Variants in TMEM67 observed in about 807,000 individuals in gnomAD.
The protein encoded by TMEM67 is transmembrane protein 67.
Under a neutral mutation model 136.6 loss-of-function variants are expected in TMEM67, and 124 were observed. The observed-to-expected ratio is 0.91, with a 90% CI of 0.78 to 1.05. The LOEUF (loss-of-function observed/expected upper bound fraction) is 1.05. Ranked by LOEUF, TMEM67 falls within the 50% of genes least tolerant of loss-of-function variation. The probability of loss-of-function intolerance (pLI) is 0.00; values close to 1 mark genes in which losing one functional copy is unlikely to be tolerated. For missense variants in TMEM67, 1,107 were observed against 1,178.4 expected, an observed-to-expected ratio of 0.94 and a Z score of 0.89; for synonymous variants, 364 against 390.5, an observed-to-expected ratio of 0.93 and a Z score of 0.80.
intron 21 of TMEM67, 72 bp from the exon 22 acceptor site, chr8:93,803,532 G>T: frequency 1.0e-6 from 1 of 989,708 alleles, no homozygotes; most frequent in Admixed American, 1.7e-5. Context: ...TTCTTAAGAT[G>T]CTACACTGTG....
chr8:93,779,650 GT>G (rs1357950076), intron 7 of TMEM67, among the ~76,000 whole-genome samples: 1 of 152,174 alleles, frequency 6.6e-6, no homozygotes, highest in African/African-American at 2.4e-5. Context: ...GTCTGTTGGA[GT>G]TTGCTAGAGG....
intron 7 of TMEM67, among the ~76,000 whole-genome samples, chr8:93,776,775 T>C (rs991580186): frequency 6.6e-6 from 1 of 152,226 alleles, no homozygotes; most frequent in African/African-American, 2.4e-5. Context: ...TGAGGATTTT[T>C]GCATCGATGT....
downstream of TMEM67, among the ~76,000 whole-genome samples, chr8:93,823,418 T>C (rs1055276000): frequency 4.0e-5 from 6 of 151,516 alleles, no homozygotes; most frequent in South Asian, 2.1e-4. Context: ...TTTTTTTTTG[T>C]GTGGGTGGGT....
chr8:93,757,989 C>A (rs1812658019), intron 2 of TMEM67, among the ~76,000 whole-genome samples: 1 of 152,164 alleles, frequency 6.6e-6, no homozygotes, highest in South Asian at 2.1e-4. Flanking sequence ...GCTTTGGCCT[C>A]AAGTGATCCA....
chr8:93,828,761 G>C, the TMEM67 span, among the ~76,000 whole-genome samples: 4 of 142,840 alleles, frequency 2.8e-5, no homozygotes, highest in Non-Finnish European at 6.2e-5. Flanking sequence ...AAAAAAAAAA[G>C]TATTAACTCA....
intron 26 of TMEM67, among the ~76,000 whole-genome samples, chr8:93,810,312 G>A (rs1808652775): frequency 6.6e-6 from 1 of 150,598 alleles, no homozygotes; most frequent in Non-Finnish European, 1.5e-5. Flanking sequence ...TAGGTGCGGT[G>A]GCTCATGCCT....
At chr8:93,807,409 G>T (rs187106377) in intron 23 of TMEM67, among the ~76,000 whole-genome samples, 57 of 152,106 alleles carry the variant, frequency 3.7e-4, no homozygotes, top group African/African-American at 1.2e-3. Flanking sequence ...TTACCTTTGC[G>T]GTGAAATCTT....
At chr8:93,802,642 T>C (rs535795108) in intron 21 of TMEM67, among the ~76,000 whole-genome samples, 2 of 152,374 alleles carry the variant, frequency 1.3e-5, no homozygotes, top group East Asian at 3.9e-4. Flanking sequence ...TCCTTGATTC[T>C]AATAATTGTT....
chr8:93,795,873 A>G (rs1814590418), intron 17 of TMEM67, 28 bp from the exon 18 acceptor site: 3 of 1,471,404 alleles, frequency 2.0e-6, no homozygotes, highest in Non-Finnish European at 2.8e-6. Flanking sequence ...GTGTGTGATA[A>G]TATTTAATCA....
intron 17 of TMEM67, 80 bp from the exon 18 acceptor site, chr8:93,795,821 C>A: frequency 1.7e-6 from 2 of 1,205,308 alleles, no homozygotes; most frequent in Non-Finnish European, 1.2e-6. Context: ...CAAAAAAAAA[C>A]AAAAACGAAA....
At chr8:93,782,517 A>C in intron 11 of TMEM67, 57 bp downstream of exon 11, 1 of 1,348,514 alleles carries the variant, frequency 7.4e-7, no homozygotes. Context: ...ATATCATGTC[A>C]GCAGTAATTG....
Position 93,755,870 on chromosome 8 carries a change from C to T in TMEM67, c.312+4C>T, listed in dbSNP as rs780970532. Reference sequence around the variant, plus strand: ...TAAAAAGTGCCCAGAAAACATGGTGCGCATAATTTATTTTAAAATAACTTA... The same window carrying T: ...TAAAAAGTGCCCAGAAAACATGGTGTGCATAATTTATTTTAAAATAACTTA... On this transcript the variant is annotated splice_donor_region_variant and intron_variant, in intron 2 of 27. Coordinates refer to ENST00000453321, the MANE Select transcript of TMEM67 (RefSeq NM_153704.6). 7.9e-6 allele frequency: 12 copies of T among 1,525,650 alleles called. No individual in the cohort carries two copies. In the African/African-American group the frequency reaches 8.4e-5, roughly 11 times the overall value. The allele number at this position is 1,525,650 out of a possible 1,614,324, so 94.5% of individuals were successfully genotyped here.
intron 6 of TMEM67, among the ~76,000 whole-genome samples, chr8:93,769,812 T>G (rs545160410): frequency 1.7e-4 from 26 of 152,360 alleles, no homozygotes; most frequent in Admixed American, 1.2e-3. Flanking sequence ...AGACTGTAAT[T>G]GCCAATTAGA....
intron 23 of TMEM67, among the ~76,000 whole-genome samples, chr8:93,805,866 G>A (rs1815128426): frequency 6.6e-6 from 1 of 152,146 alleles, no homozygotes; most frequent in Non-Finnish European, 1.5e-5. Context: ...TATAATGAGG[G>A]ATCAGGTTGA....
chr8:93,793,126 A>C (rs1187005242), intron 15 of TMEM67, 72 bp from the exon 16 acceptor site: 9 of 1,385,990 alleles, frequency 6.5e-6, no homozygotes, highest in African/African-American at 2.8e-5. Context: ...GCACTTCCTT[A>C]CTTGTTCACA....
chr8:93,755,775 T>TTTGTA lies in TMEM67; in HGVS notation c.224-3_224-2insTTGTA. 11 of 1,281,712 alleles carry TTTGTA rather than the reference T, an allele frequency of 8.6e-6. No individual in the cohort carries two copies. The highest frequency in any genetic ancestry group is 2.7e-5 in the South Asian group (2 of 74,860). The allele number at this position is 1,281,712 out of a possible 1,614,324, so 79.4% of individuals were successfully genotyped here. A position where few individuals can be genotyped will look rare whatever the true frequency, so the allele number is the denominator to read the frequency against. ...GCTTTTTTTTTTTTTTTTTTTTTTT[T>TTTGTA]AGGAACTTCATGTGTATGTCTACCA... On this transcript the variant is annotated splice_polypyrimidine_tract_variant and splice_region_variant and intron_variant, in intron 1 of 27. Transcript: ENST00000453321.
chr8:93,791,561 A>G (rs1465155919), intron 15 of TMEM67, among the ~76,000 whole-genome samples: 1 of 152,098 alleles, frequency 6.6e-6, no homozygotes, highest in Non-Finnish European at 1.5e-5. Flanking sequence ...TCAGGACCCA[A>G]TCTAGGGTCA....
chr8:93,767,767 A>G (rs1459464327), intron 6 of TMEM67, among the ~76,000 whole-genome samples: 4 of 143,852 alleles, frequency 2.8e-5, no homozygotes, highest in Admixed American at 7.0e-5. Context: ...TTCTTTGAAC[A>G]TTTGCTTACT....
In TMEM67 at chr8:93,770,239, C is replaced by T. The variant is rs117036242; in HGVS notation, c.652-2350C>T. Among the ~76,000 whole-genome samples the T allele has an allele frequency of 8.3e-3, 1,266 of 152,116 alleles. 10 individuals are homozygous for T. The highest frequency in any genetic ancestry group is 0.012 in the Non-Finnish European group (789 of 68,006). On this transcript the variant is annotated intron_variant, in intron 6 of 27. Coordinates refer to ENST00000453321, the MANE Select transcript of TMEM67 (RefSeq NM_153704.6). ...CTCTCTGTATATATGTAAATATATA[C>T]GCAAACACAATGTTTTTTTCCCCCT...
Sources: allele counts gnomAD v4.1 joint callset (sites outside exome capture counted in the v4.1 genomes callset), GRCh38; gene constraint gnomAD v4.1.1; transcripts MANE v1.5; gene names NCBI Gene and HGNC (gene_info 2026-07-23, HGNC 2026-07-21).